The following PIEZO1 variants were observed in gnomAD, a reference collection of about 807,000 sequenced individuals.
The protein encoded by PIEZO1 is piezo type mechanosensitive ion channel component 1 (Er blood group).
PIEZO1 carries 296 observed loss-of-function variants against 297.2 expected under a neutral mutation model. The ratio of observed to expected loss-of-function variants is 1.00; its 90% CI spans 0.91 to 1.10. PIEZO1 has a LOEUF of 1.10. PIEZO1 is among the 50% of genes least tolerant of loss of function. The pLI, the probability that PIEZO1 is intolerant of heterozygous loss-of-function variation, is 0.00. For missense variants in PIEZO1, 5,018 were observed against 3,455.5 expected (o/e 1.45, Z -11.34); for synonymous variants, 2,427 against 1,507.5 (o/e 1.61, Z -14.13).
At chr16:88,726,693 T>C (rs576122374) in intron 25 of PIEZO1, 22 bp downstream of exon 25, 7 of 1,335,286 alleles carry the variant, frequency 5.2e-6, no homozygotes, top group Admixed American at 2.3e-5. Flanking sequence ...GGGCGGTGGG[T>C]GCGGGGGGGC....
intron 2 of PIEZO1, chr16:88,743,474 C>G (rs773990021): frequency 2.2e-6 from 1 of 448,730 alleles, no homozygotes; most frequent in Admixed American, 2.4e-5. Flanking sequence ...TCACAACTTC[C>G]TGGAGCTCAG....
chr16:88,732,776 G>A (rs1567670998), intron 19 of PIEZO1, 44 bp from the exon 20 acceptor site: 8 of 1,491,926 alleles, frequency 5.4e-6, no homozygotes, highest in Non-Finnish European at 6.3e-6. Context: ...AGGCCACAGT[G>A]CCCCCTGGCC....
intron 50 of PIEZO1, 30 bp from the exon 51 acceptor site, chr16:88,715,884 C>G: frequency 6.5e-7 from 1 of 1,545,776 alleles, no homozygotes; most frequent in South Asian, 1.2e-5. Context: ...GTCCTGGGGC[C>G]GCCCGGAGCC....
At position 88,726,537 on chromosome 16, in the gene PIEZO1, G is replaced by A. The variant is rs1474635694; in HGVS notation, c.3796+10C>T. On this transcript the variant is annotated intron_variant, in intron 26 of 50. Transcript: ENST00000301015. ...CCACGCCCTCCCCCGCCACCGTCCT[G>A]GCCACTCACGGTCATAGTAGCCCTT... 2.6e-6 allele frequency: 4 copies of A among 1,548,528 alleles called. No homozygotes were observed. Among genetic ancestry groups the A allele is most frequent in the Middle Eastern group, 1.7e-4 (1 of 5,952 alleles).
intron 44 of PIEZO1, chr16:88,719,090 C>T: frequency 6.2e-6 from 1 of 161,228 alleles, no homozygotes; most frequent in South Asian, 1.8e-4. Flanking sequence ...TTGAGCAGTA[C>T]CTCCCTCCTG....
intron 1 of PIEZO1, among the ~76,000 whole-genome samples, chr16:88,768,360 C>CTTAAGTGG (rs2142895429): frequency 6.6e-6 from 1 of 152,308 alleles, no homozygotes; most frequent in African/African-American, 2.4e-5. Flanking sequence ...ATTAAGTGGC[C>CTTAAGTGG]ACTTAAGAGC....
Position 88,726,625 on chromosome 16 carries a change from C to G in PIEZO1, c.3718G>C (p.Val1240Leu). Residue 1240 changes from valine to leucine, a missense_variant, in exon 26 of 51, where the codon GTG (valine) becomes CTG (leucine). By Grantham distance (32) the Val-to-Leu change is conservative. Transcript: ENST00000301015. ...NMLSLLACVFVEQMQTGFCWV... is the reference protein window; with the variant it reads ...NMLSLLACVFLEQMQTGFCWV... ...CAGAAGCCGGTCTGCATCTGCTCCA[C>G]GAAGACGCAGGCCAGGAGCTGGGGG... 1.9e-6 allele frequency: 3 copies of G among 1,540,194 alleles called. No individual in the cohort carries two copies. Among genetic ancestry groups the G allele is most frequent in the South Asian group, 2.4e-5 (2 of 83,896 alleles).
intron 44 of PIEZO1, 106 bp downstream of exon 44, chr16:88,719,468 T>C: frequency 8.9e-7 from 1 of 1,123,576 alleles, no homozygotes; most frequent in Non-Finnish European, 1.3e-6. Context: ...CTCCGAGCCC[T>C]GGGAGGGCCT....
intron 1 of PIEZO1, among the ~76,000 whole-genome samples, chr16:88,759,538 C>G (rs974257382): frequency 2.6e-5 from 4 of 152,170 alleles, no homozygotes; most frequent in African/African-American, 9.7e-5. Flanking sequence ...TGGGCGGGGC[C>G]GGGCAGAGGA....
At chr16:88,755,786 G>A (rs557234349) in intron 1 of PIEZO1, among the ~76,000 whole-genome samples, 3 of 152,196 alleles carry the variant, frequency 2.0e-5, no homozygotes, top group Admixed American at 2.0e-4. Flanking sequence ...GCTGCAGAGC[G>A]GCCTCACAGG....
chr16:88,716,766 G>C (rs141826769), intron 46 of PIEZO1, 35 bp from the exon 47 acceptor site: 2 of 1,548,696 alleles, frequency 1.3e-6, no homozygotes. Context: ...GACTGCAGCC[G>C]CCTCCCCACA....
Position 88,749,254 on chromosome 16 carries a change from A to T in PIEZO1, c.160+130T>A, listed in dbSNP as rs963991903. 26 of 577,926 alleles carry T rather than the reference A, an allele frequency of 4.5e-5. No homozygotes were observed. The Middle Eastern group carries it at 8.0e-4, about 18-fold the overall frequency. 35.8% of individuals were successfully genotyped at this position (577,926 alleles called of 1,614,324 possible). A position where few individuals can be genotyped will look rare whatever the true frequency, so the allele number is the denominator to read the frequency against. ...GACTCCGTCTCAAAAAAAAAAAAAAATTTTATTTCGGGACCCCTCATCTTC... is the reference window on the plus strand; with the variant it reads ...GACTCCGTCTCAAAAAAAAAAAAAATTTTTATTTCGGGACCCCTCATCTTC... On this transcript the variant is annotated intron_variant, in intron 2 of 50. Transcript: ENST00000301015.
chr16:88,725,036 A>G lies in PIEZO1; in HGVS notation c.4207T>C (p.Trp1403Arg). Residue 1403 changes from tryptophan to arginine, a missense_variant, in exon 30 of 51, where the codon TGG becomes CGG. Physicochemically the swap from Trp to Arg is moderately radical, Grantham distance 101. Transcript: ENST00000301015. ...GTGGCGTGGTCCAGCCAGGGCCGCC[A>G]CCACTGCCTCCGTGGCGGGGAGGAG... ...GGSSPPRRQW[W>R]RPWLDHATVI... The G allele has an allele frequency of 1.3e-6, 2 of 1,497,752 alleles. No homozygotes were observed. Among genetic ancestry groups the G allele is most frequent in the Non-Finnish European group, 1.8e-6 (2 of 1,125,674 alleles). 92.8% of individuals were successfully genotyped at this position (1,497,752 alleles called of 1,614,324 possible).
chr16:88,722,919 A>G lies in PIEZO1; in HGVS notation c.4586T>C (p.Leu1529Pro). 3 of 1,549,386 alleles carry G rather than the reference A, an allele frequency of 1.9e-6. No homozygotes were observed. Among genetic ancestry groups the G allele is most frequent in the Non-Finnish European group, 2.6e-6 (3 of 1,146,790 alleles). The stretch of plus-strand genomic sequence containing the variant: ...GCCGTGGTGCCGGGTGAACTCCTGC[A>G]GCCAGCGTGTCAGCTCATCCACTAG... ...QALVDELTRW[L>P]QEFTRHHGTM... is the part of the protein sequence containing the mutation. Residue 1529 changes from leucine (L) to proline (P), a missense_variant, in exon 34 of 51, where the codon CTG becomes CCG. By Grantham distance (98) the Leu-to-Pro change is moderately conservative. Coordinates refer to ENST00000301015, the MANE Select transcript of PIEZO1 (RefSeq NM_001142864.4).
chr16:88,748,807 C>T (rs547412573), intron 2 of PIEZO1, among the ~76,000 whole-genome samples: 98 of 152,002 alleles, frequency 6.4e-4, no homozygotes, highest in South Asian at 6.0e-3. Context: ...GTGGCTCACA[C>T]CTGTAATTGC....
intron 1 of PIEZO1, among the ~76,000 whole-genome samples, chr16:88,752,471 G>A (rs1052097591): frequency 2.0e-5 from 3 of 152,230 alleles, no homozygotes; most frequent in Admixed American, 6.5e-5. Context: ...GACAGGGTGA[G>A]ATCATCTCAG....
chr16:88,721,179 T>A lies in PIEZO1; in HGVS notation c.5655A>T (p.Gly1885=). 6.6e-7 allele frequency: 1 copy of A among 1,509,776 alleles called. No homozygotes were observed. The highest frequency in any genetic ancestry group is 8.9e-7 in the Non-Finnish European group (1 of 1,129,920). 93.5% of individuals were successfully genotyped at this position (1,509,776 alleles called of 1,614,324 possible). A position where few individuals can be genotyped will look rare whatever the true frequency, so the allele number is the denominator to read the frequency against. Residue 1885 remains glycine (G), a synonymous_variant, in exon 39 of 51, where the codon GGA becomes GGT. Coordinates refer to ENST00000301015, the MANE Select transcript of PIEZO1 (RefSeq NM_001142864.4). ...GGGCGCTTATACCGATGGCTGCCGC[T>A]CCTTTCCGTGCTGGGCCCTCCTTCT... ...RRKKEGPARK[G]AAAIEAEDRE...
rs369381945 is a variant in PIEZO1, at chr16:88,737,892, G to T, written c.1020+42C>A. ...CAGGAGGTCCTGAGACCAGCCCCAT[G>T]GCCTGGCCTCAGCCCACCCACCATG... On this transcript the variant is annotated intron_variant, in intron 8 of 50. Coordinates refer to ENST00000301015, the MANE Select transcript of PIEZO1 (RefSeq NM_001142864.4). 4.6e-6 allele frequency: 7 copies of T among 1,531,834 alleles called. No individual in the cohort carries two copies. In the East Asian group the frequency reaches 1.7e-4, roughly 38 times the overall value. 94.9% of individuals were successfully genotyped at this position (1,531,834 alleles called of 1,614,324 possible). A position where few individuals can be genotyped will look rare whatever the true frequency, so the allele number is the denominator to read the frequency against.
chr16:88,720,016 C>G (rs1028596728), intron 42 of PIEZO1, 53 bp downstream of exon 42: 3 of 1,549,040 alleles, frequency 1.9e-6, no homozygotes, highest in African/African-American at 1.4e-5. Flanking sequence ...GCAGGGCCCC[C>G]AGCCTGCACT....
Sources: allele counts gnomAD v4.1 joint callset (sites outside exome capture counted in the v4.1 genomes callset), GRCh38; gene constraint gnomAD v4.1.1; transcripts MANE v1.5; gene names NCBI Gene and HGNC (gene_info 2026-07-23, HGNC 2026-07-21).